Variants in RP1 observed in about 807,000 individuals in gnomAD.
The protein encoded by RP1 is oxygen-regulated protein 1.
Under a neutral mutation model 14.8 loss-of-function variants are expected in RP1, and 16 were observed. The ratio of observed to expected loss-of-function variants is 1.08; its 90% CI spans 0.73 to 1.65. The LOEUF (loss-of-function observed/expected upper bound fraction) is 1.65. Among genes scored for constraint, RP1 ranks in the 40% most tolerant of loss-of-function variants. The pLI is 0.00. For synonymous variants in RP1, 876 were observed against 883.6 expected (o/e 0.99, Z 0.15); for missense variants, 2,631 against 2,535.0 (o/e 1.04, Z -0.81).
chr8:54,812,423 G>A (rs567619858), intron 24 of RP1, among the ~76,000 whole-genome samples: 1 of 152,284 alleles, frequency 6.6e-6, no homozygotes, highest in East Asian at 1.9e-4. Flanking sequence ...TTACAGGCGT[G>A]AGCCACTGTG....
chr8:54,675,966 G>T (rs1006819718), intron 8 of RP1, among the ~76,000 whole-genome samples: 7 of 152,086 alleles, frequency 4.6e-5, no homozygotes, highest in Non-Finnish European at 1.0e-4. Flanking sequence ...CTTGGGAGGG[G>T]CTTCTTGCTG....
At chr8:54,622,355 A>G in intron 3 of RP1, 67 bp downstream of exon 3, 1 of 1,389,144 alleles carries the variant, frequency 7.2e-7, no homozygotes, top group South Asian at 1.2e-5. Flanking sequence ...CAAGGACGGC[A>G]AAATCCATGC....
At chr8:54,869,064 C>T (rs1449810596) in intron 28 of RP1, among the ~76,000 whole-genome samples, 4 of 152,126 alleles carry the variant, frequency 2.6e-5, no homozygotes, top group Non-Finnish European at 5.9e-5. Flanking sequence ...CTCATTTGAT[C>T]CCCACAGCCA....
At chr8:54,696,567 A>G (rs1201806513) in intron 12 of RP1, 6 of 732,200 alleles carry the variant, frequency 8.2e-6, no homozygotes, top group Non-Finnish European at 1.4e-5. Flanking sequence ...TTATTCCTAC[A>G]TGACTCCTGG....
chr8:54,750,028 G>A (rs1809319529), intron 19 of RP1, among the ~76,000 whole-genome samples: 1 of 152,062 alleles, frequency 6.6e-6, no homozygotes, highest in Non-Finnish European at 1.5e-5. Context: ...CTTCCCAGAT[G>A]GTCGTGGTCA....
chr8:54,804,937 A>G (rs1221743534), intron 24 of RP1, among the ~76,000 whole-genome samples: 4 of 152,202 alleles, frequency 2.6e-5, no homozygotes, highest in Non-Finnish European at 5.9e-5. Flanking sequence ...CCTCTTTTCA[A>G]ATTTGGGTGG....
intron 24 of RP1, among the ~76,000 whole-genome samples, chr8:54,824,167 T>G (rs933238612): frequency 9.2e-5 from 14 of 152,068 alleles, no homozygotes; most frequent in African/African-American, 3.1e-4. Flanking sequence ...TAGCTGCTAG[T>G]AAACCTAACA....
At chr8:54,675,326 CA>C (rs2129333782) in intron 8 of RP1, among the ~76,000 whole-genome samples, 1 of 152,212 alleles carries the variant, frequency 6.6e-6, no homozygotes, top group South Asian at 2.1e-4. Context: ...TTGTAAGAGT[CA>C]TGAGCCTTTA....
At chr8:54,675,318 G>A (rs1406074074) in intron 8 of RP1, among the ~76,000 whole-genome samples, 1 of 152,138 alleles carries the variant, frequency 6.6e-6, no homozygotes, top group South Asian at 2.1e-4. Context: ...CAATGAGATT[G>A]TAAGAGTCAT....
In RP1 at chr8:54,720,803, T is replaced by C. The variant is rs372191254; in HGVS notation, c.2389+497T>C. Among the ~76,000 whole-genome samples the C allele has an allele frequency of 2.6e-5, 4 of 152,360 alleles. No individual in the cohort carries two copies. The East Asian group carries it at 5.8e-4, about 22-fold the overall frequency. ...TATTTTGAAACTGGTTTCTCTCATATCTAAGTTCCTGTTCTCTAGCAAATT... is the reference window on the plus strand; with the variant it reads ...TATTTTGAAACTGGTTTCTCTCATACCTAAGTTCCTGTTCTCTAGCAAATT... On this transcript the variant is annotated intron_variant, in intron 16 of 22. Transcript: ENST00000636932.
chr8:54,579,833 C>T (rs1281027760), intron 1 of RP1, among the ~76,000 whole-genome samples: 1 of 152,274 alleles, frequency 6.6e-6, no homozygotes, highest in East Asian at 1.9e-4. Context: ...TGTGCCAATC[C>T]CTTCCTCAGA....
chr8:54,788,130 G>A (rs1459736584), intron 24 of RP1, among the ~76,000 whole-genome samples: 2 of 152,296 alleles, frequency 1.3e-5, no homozygotes, highest in East Asian at 1.9e-4. Context: ...TCAGATGAAT[G>A]AAGGCAGGAA....
At chr8:54,831,087 A>T (rs1391457) in intron 24 of RP1, among the ~76,000 whole-genome samples, 46,476 of 151,854 alleles carry the variant, frequency 0.31, 7,317 homozygotes, top group South Asian at 0.37. Context: ...ATATCACAAT[A>T]TGTTGATACA....
exon 20 of RP1, chr8:54,754,919 A>G (rs768598185): frequency 1.3e-6 from 2 of 1,524,846 alleles, no homozygotes; most frequent in South Asian, 1.2e-5. Flanking sequence ...TAAAAGGAGG[A>G]CAAGCTATTT....
At chr8:54,606,452 C>G (rs1404899907) in intron 1 of RP1, among the ~76,000 whole-genome samples, 1 of 151,996 alleles carries the variant, frequency 6.6e-6, no homozygotes, top group African/African-American at 2.4e-5. Flanking sequence ...GTAACCCGAC[C>G]TTTCTCTCTG....
chr8:54,680,016 T>C (rs1807390617), intron 12 of RP1: 1 of 1,454,738 alleles, frequency 6.9e-7, no homozygotes, highest in East Asian at 2.5e-5. Context: ...GTTTAATTTA[T>C]AGTTTTGTTC....
intron 8 of RP1, among the ~76,000 whole-genome samples, chr8:54,676,433 G>T (rs554069130): frequency 2.6e-5 from 4 of 152,274 alleles, no homozygotes; most frequent in African/African-American, 9.6e-5. Context: ...ATAAAAATCT[G>T]CAGGCTTCCT....
At chr8:54,724,657 C>G (rs771625540) in intron 16 of RP1, among the ~76,000 whole-genome samples, 3 of 152,044 alleles carry the variant, frequency 2.0e-5, no homozygotes. Context: ...ATTGGAGGGT[C>G]ACTTTGGTAC....
intron 24 of RP1, among the ~76,000 whole-genome samples, chr8:54,789,640 C>T (rs1810412473): frequency 6.6e-6 from 1 of 152,164 alleles, no homozygotes; most frequent in African/African-American, 2.4e-5. Flanking sequence ...GACAATAAAA[C>T]CCAGCCTATG....
Sources: gnomAD v4.1 joint callset for allele counts (sites outside exome capture counted in the v4.1 genomes callset) on GRCh38, gnomAD v4.1.1 for gene constraint, MANE v1.5 for transcripts, NCBI Gene and HGNC (gene_info 2026-07-23, HGNC 2026-07-21) for gene names.